PDE3B: variants seen among roughly 807,000 people sequenced by gnomAD.
PDE3B encodes phosphodiesterase 3B.
A neutral mutation model predicts 116.8 loss-of-function variants in PDE3B; 66 were observed. That is an observed-to-expected ratio of 0.56 (90% CI 0.46 to 0.69). PDE3B has a LOEUF of 0.69. Ranked by LOEUF, PDE3B falls within the 30% of genes least tolerant of loss-of-function variation. PDE3B has a pLI of 0.00. For missense variants in PDE3B, 1,384 were observed against 1,368.1 expected, an observed-to-expected ratio of 1.01 and a Z score of -0.18; for synonymous variants, 595 against 533.6, an observed-to-expected ratio of 1.12 and a Z score of -1.59.
At chr11:14,760,767 A>G (rs1457755324) in intron 1 of PDE3B, among the ~76,000 whole-genome samples, 1 of 152,152 alleles carries the variant, frequency 6.6e-6, no homozygotes, top group Non-Finnish European at 1.5e-5. Flanking sequence ...GTGTATACAT[A>G]TTCTTTTGGA....
intron 1 of PDE3B, among the ~76,000 whole-genome samples, chr11:14,721,155 C>G (rs1856061552): frequency 6.6e-6 from 1 of 151,508 alleles, no homozygotes; most frequent in South Asian, 2.1e-4. Context: ...ATTTATGCAG[C>G]CAAAAAATAC....
chr11:14,760,506 C>T (rs188043377), intron 1 of PDE3B, among the ~76,000 whole-genome samples: 1 of 152,278 alleles, frequency 6.6e-6, no homozygotes, highest in Admixed American at 6.5e-5. Context: ...CCTGTACTGA[C>T]ATATGTGCTG....
chr11:14,663,826 C>T (rs1854023401), intron 1 of PDE3B, among the ~76,000 whole-genome samples: 1 of 152,146 alleles, frequency 6.6e-6, no homozygotes, highest in Non-Finnish European at 1.5e-5. Context: ...TAATGGGAGA[C>T]TTTAACACCC....
At chr11:14,685,288 G>A (rs186265111) in intron 1 of PDE3B, among the ~76,000 whole-genome samples, 110 of 151,944 alleles carry the variant, frequency 7.2e-4, no homozygotes, top group African/African-American at 2.5e-3. Flanking sequence ...CTGACTTCCC[G>A]CAACATGAAA....
At chr11:14,769,395 A>G (rs1293991010) in intron 1 of PDE3B, among the ~76,000 whole-genome samples, 1 of 151,208 alleles carries the variant, frequency 6.6e-6, no homozygotes, top group Non-Finnish European at 1.5e-5. Context: ...AGAGACCTTT[A>G]AGAGTCCAGT....
At chr11:14,830,054 T>C (rs796626778) in intron 7 of PDE3B, among the ~76,000 whole-genome samples, 2 of 152,280 alleles carry the variant, frequency 1.3e-5, no homozygotes, top group African/African-American at 4.8e-5. Context: ...ATATTGTAGT[T>C]CATTCTCTTT....
At position 14,751,842 on chromosome 11, in the gene PDE3B, A is replaced by G. The variant is rs1288914525; in HGVS notation, c.979-20095A>G. ...TCTTTATTGGTCAAAGATTCCCTCC[A>G]TCCCTTAACCTGGGAAAGTTAACTC... On this transcript the variant is annotated intron_variant, in intron 1 of 15. Transcript: ENST00000282096. 3.3e-5 allele frequency among the ~76,000 whole-genome samples: 5 copies of G among 152,284 alleles called. No individual in the cohort carries two copies. The East Asian group carries it at 9.6e-4, about 29-fold the overall frequency.
Position 14,644,663 on chromosome 11 carries a change from G to A in PDE3B, c.588G>A (p.Arg196=), listed in dbSNP as rs1278017955. 7 of 1,498,658 alleles carry A rather than the reference G, an allele frequency of 4.7e-6. No individual in the cohort carries two copies. The Admixed American group carries it at 1.1e-4, about 25-fold the overall frequency. The allele number at this position is 1,498,658 out of a possible 1,614,324, so 92.8% of individuals were successfully genotyped here. The change falls in exon 1 of 16, where the codon AGG becomes AGA. Residue 196 remains arginine (R), a synonymous_variant. Transcript: ENST00000282096. ...PHTPPEAAAG[R]LLLVLSCVGL... is the part of the protein sequence containing the mutation. ...CGCCCCCGGAGGCGGCAGCGGGCAG[G>A]TTGCTGCTGGTGCTGAGCTGCGTAG...
chr11:14,783,177 C>G (rs986383551), intron 2 of PDE3B, among the ~76,000 whole-genome samples: 2 of 152,182 alleles, frequency 1.3e-5, no homozygotes, highest in African/African-American at 4.8e-5. Context: ...TAAACTAGTT[C>G]AACCATTGTG....
chr11:14,766,042 G>A (rs148590254), intron 1 of PDE3B, among the ~76,000 whole-genome samples: 1 of 151,376 alleles, frequency 6.6e-6, no homozygotes, highest in Non-Finnish European at 1.5e-5. Context: ...TACATGTACC[G>A]CCAACTATGC....
chr11:14,878,044 C>G, the PDE3B span: 2 of 1,473,250 alleles, frequency 1.4e-6, no homozygotes, highest in Non-Finnish European at 1.9e-6. Context: ...TATTCTAATA[C>G]ACACATTGAT....
At chr11:14,710,833 C>CT (rs1007645628) in intron 1 of PDE3B, among the ~76,000 whole-genome samples, 16 of 151,972 alleles carry the variant, frequency 1.1e-4, no homozygotes, top group African/African-American at 3.1e-4. Flanking sequence ...CTAGTAAATG[C>CT]TTTTTTTAAA....
rs182368110 is a variant in PDE3B, at chr11:14,682,842, T to A, written c.978+37789T>A. On this transcript the variant is annotated intron_variant, in intron 1 of 15. Transcript: ENST00000282096. ...GGTAATGGTGACTCTCAAAACGAATTGGGAAGTTTTCCCTCCTCTATTTTC... is the reference window on the plus strand; with the variant it reads ...GGTAATGGTGACTCTCAAAACGAATAGGGAAGTTTTCCCTCCTCTATTTTC... 5.5e-4 allele frequency among the ~76,000 whole-genome samples: 84 copies of A among 152,152 alleles called. 2 individuals carry two copies. The highest frequency in any genetic ancestry group is 4.9e-3 in the Admixed American group (75 of 15,288).
At chr11:14,682,685 G>A (rs553431726) in intron 1 of PDE3B, among the ~76,000 whole-genome samples, 1 of 151,958 alleles carries the variant, frequency 6.6e-6, no homozygotes, top group South Asian at 2.1e-4. Flanking sequence ...ACTTGATTGT[G>A]ATATATTCTT....
At chr11:14,899,069 G>A in the PDE3B span, among the ~76,000 whole-genome samples, 2 of 152,178 alleles carry the variant, frequency 1.3e-5, no homozygotes, top group African/African-American at 4.8e-5. Context: ...TCCAGCCTCA[G>A]ATCATGCTAA....
Position 14,740,544 on chromosome 11 carries a change from A to G in PDE3B, c.979-31393A>G, listed in dbSNP as rs145489525. 2.6e-5 allele frequency among the ~76,000 whole-genome samples: 4 copies of G among 152,228 alleles called. No individual in the cohort carries two copies. The East Asian group carries it at 7.7e-4, about 29-fold the overall frequency. ...TCTGTCTATTTTGGTAATGTTTTCA[A>G]AAAACCAGCTCCTGGATTCACTGAT... On this transcript the variant is annotated intron_variant, in intron 1 of 15. Transcript: ENST00000282096.
chr11:14,795,865 C>T (rs1417318774), intron 4 of PDE3B, among the ~76,000 whole-genome samples: 1 of 151,776 alleles, frequency 6.6e-6, no homozygotes, highest in Non-Finnish European at 1.5e-5. Flanking sequence ...AAGCTCAATT[C>T]ATTATCTTAT....
chr11:14,800,931 A>G (rs2349793), intron 4 of PDE3B, among the ~76,000 whole-genome samples: 96,993 of 151,522 alleles, frequency 0.64, 31,175 homozygotes, highest in Middle Eastern at 0.71. Context: ...CCTTTCTTCC[A>G]CTTGATCAAT....
At chr11:14,798,470 T>C (rs1429726178) in intron 4 of PDE3B, among the ~76,000 whole-genome samples, 2 of 152,146 alleles carry the variant, frequency 1.3e-5, no homozygotes, top group Non-Finnish European at 2.9e-5. Context: ...AAGATTTCCT[T>C]TTTTTCTATT....
Sources: gnomAD v4.1 joint callset for allele counts (sites outside exome capture counted in the v4.1 genomes callset) on GRCh38, gnomAD v4.1.1 for gene constraint, MANE v1.5 for transcripts, NCBI Gene and HGNC (gene_info 2026-07-23, HGNC 2026-07-21) for gene names.